Variants in ALDH9A1 observed in about 807,000 individuals in gnomAD.
The protein encoded by ALDH9A1 is aldehyde dehydrogenase 9 family member A1, also known as 4-trimethylaminobutyraldehyde dehydrogenase.
A neutral mutation model predicts 56.6 loss-of-function variants in ALDH9A1; 42 were observed. The observed-to-expected ratio is 0.74, with a 90% CI of 0.58 to 0.96. ALDH9A1 has a LOEUF of 0.96. ALDH9A1 is among the 40% of genes least tolerant of loss of function. ALDH9A1 has a pLI of 0.00. For missense variants in ALDH9A1, 661 were observed against 651.5 expected (o/e 1.01, Z -0.16); for synonymous variants, 242 against 236.0 (o/e 1.03, Z -0.23).
At chr1:165,688,233 T>C (rs370537147) in intron 2 of ALDH9A1, among the ~76,000 whole-genome samples, 104 of 152,208 alleles carry the variant, frequency 6.8e-4, no homozygotes, top group African/African-American at 2.4e-3. Flanking sequence ...GGGAGGATCG[T>C]TTGAGCCCAG....
intron 1 of ALDH9A1, chr1:165,698,177 T>C (rs1650156348): frequency 7.5e-7 from 1 of 1,335,474 alleles, no homozygotes. Flanking sequence ...TCAGCTTTGC[T>C]TTTCCTCCCT....
intron 8 of ALDH9A1, among the ~76,000 whole-genome samples, chr1:165,668,392 GCT>G (rs1328082045): frequency 1.3e-5 from 2 of 152,092 alleles, no homozygotes; most frequent in Non-Finnish European, 2.9e-5. Context: ...TGCCTCTCTT[GCT>G]CTCTCTTTCA....
intron 2 of ALDH9A1, among the ~76,000 whole-genome samples, chr1:165,684,343 T>A (rs1649644844): frequency 6.6e-6 from 1 of 152,238 alleles, no homozygotes; most frequent in South Asian, 2.1e-4. Context: ...TCAGAAAGGA[T>A]AATCTGTTCA....
intron 1 of ALDH9A1, among the ~76,000 whole-genome samples, chr1:165,698,049 A>G (rs1182344468): frequency 6.6e-6 from 1 of 152,082 alleles, no homozygotes; most frequent in African/African-American, 2.4e-5. Flanking sequence ...CAAAAAACAA[A>G]CAAACAAACA....
chr1:165,685,843 G>A (rs952849326), intron 2 of ALDH9A1, among the ~76,000 whole-genome samples: 1 of 152,148 alleles, frequency 6.6e-6, no homozygotes, highest in African/African-American at 2.4e-5. Context: ...GGCCAGGGCT[G>A]GAGGCAAGAA....
intron 6 of ALDH9A1, among the ~76,000 whole-genome samples, chr1:165,678,217 C>G (rs894827279): frequency 1.3e-5 from 2 of 150,864 alleles, no homozygotes. Context: ...ACCTGTAATC[C>G]CAGCTACTCA....
intron 2 of ALDH9A1, among the ~76,000 whole-genome samples, chr1:165,687,481 T>C (rs1259523405): frequency 6.6e-6 from 1 of 150,860 alleles, no homozygotes; most frequent in African/African-American, 2.4e-5. Flanking sequence ...GGGTGGGGGG[T>C]AGAGGGAGTA....
At chr1:165,697,380 ATAAT>A (rs1171089990) in intron 1 of ALDH9A1, among the ~76,000 whole-genome samples, 2 of 152,258 alleles carry the variant, frequency 1.3e-5, no homozygotes, top group African/African-American at 2.4e-5. Context: ...GAAGCAATGG[ATAAT>A]TAGATTGACC....
chr1:165,694,039 G>GA (rs762423662), intron 2 of ALDH9A1, among the ~76,000 whole-genome samples: 13 of 144,532 alleles, frequency 9.0e-5, no homozygotes, highest in Non-Finnish European at 1.8e-4. Flanking sequence ...CACAGGGTGG[G>GA]GAACATCACA....
intron 10 of ALDH9A1, among the ~76,000 whole-genome samples, chr1:165,664,058 T>C (rs577937872): frequency 1.3e-5 from 2 of 152,328 alleles, no homozygotes; most frequent in Non-Finnish European, 2.9e-5. Flanking sequence ...TGTAATGTTA[T>C]ATGTTACATG....
At position 165,695,400 on chromosome 1, in the gene ALDH9A1, A is replaced by G. The variant is rs1650041931; in HGVS notation, c.182-3T>C. 4 of 1,596,452 alleles carry G rather than the reference A, an allele frequency of 2.5e-6. No homozygotes were observed. The highest frequency in any genetic ancestry group is 2.3e-5 in the East Asian group (1 of 43,956). ...TGTGAAAGTAGCTATCACTCGGCCTATAAAGAGCGGAAACATCAGTTTTAA... is the reference window on the plus strand; with the variant it reads ...TGTGAAAGTAGCTATCACTCGGCCTGTAAAGAGCGGAAACATCAGTTTTAA... On this transcript the variant is annotated splice_polypyrimidine_tract_variant and splice_region_variant and intron_variant, in intron 1 of 10. Coordinates refer to ENST00000354775, the MANE Select transcript of ALDH9A1 (RefSeq NM_000696.4).
At position 165,679,574 on chromosome 1, in the gene ALDH9A1, C is replaced by A; in HGVS notation, c.798G>T (p.Glu266Asp). 1 of 1,614,156 alleles carries A rather than the reference C, an allele frequency of 6.2e-7. No individual in the cohort carries two copies. The highest frequency in any genetic ancestry group is 8.5e-7 in the Non-Finnish European group (1 of 1,180,008). The change falls in exon 6 of 11, where the codon GAG becomes GAT. Residue 266 changes from glutamate (E) to aspartate (D), a missense_variant. Coordinates refer to ENST00000354775, the MANE Select transcript of ALDH9A1 (RefSeq NM_000696.4). The stretch of plus-strand genomic sequence containing the variant: ...CAGGTTTGATTCCTTTAGCTGACAT[C>A]TCCATGATCTTGCAGAACAAGGACA... The part of the protein sequence containing the change: ...GSVPTGMKIM[E>D]MSAKGIKPVT...
At chr1:165,671,928 T>A (rs982244512) in intron 6 of ALDH9A1, among the ~76,000 whole-genome samples, 6 of 152,158 alleles carry the variant, frequency 3.9e-5, no homozygotes, top group Non-Finnish European at 8.8e-5. Flanking sequence ...ATGACTATTA[T>A]CAAAAACAGA....
intron 10 of ALDH9A1, 43 bp from the exon 11 acceptor site, chr1:165,663,187 A>G (rs1208426440): frequency 6.8e-7 from 1 of 1,477,462 alleles, no homozygotes; most frequent in South Asian, 1.1e-5. Context: ...TCACTACAAT[A>G]GTCTGAAAAG....
In ALDH9A1 at chr1:165,662,827, T is replaced by G. The variant is rs1558000010; in HGVS notation, c.*223A>C. 2 of 527,816 alleles carry G rather than the reference T, an allele frequency of 3.8e-6. No homozygotes were observed. The highest frequency in any genetic ancestry group is 6.8e-6 in the Non-Finnish European group (2 of 293,666). The allele number at this position is 527,816 out of a possible 1,614,324, so 32.7% of individuals were successfully genotyped here. A position where few individuals can be genotyped will look rare whatever the true frequency, so the allele number is the denominator to read the frequency against. ...TTAAAAGATTTCACAAAAATACGCTTTGAGGAGAATCACAGCTTTCTTGAT... is the reference window on the plus strand; with the variant it reads ...TTAAAAGATTTCACAAAAATACGCTGTGAGGAGAATCACAGCTTTCTTGAT... On this transcript the variant is annotated 3_prime_UTR_variant, in exon 11 of 11. Coordinates refer to ENST00000354775, the MANE Select transcript of ALDH9A1 (RefSeq NM_000696.4).
At chr1:165,689,273 C>T (rs991339424) in intron 2 of ALDH9A1, among the ~76,000 whole-genome samples, 10 of 152,196 alleles carry the variant, frequency 6.6e-5, no homozygotes, top group Admixed American at 4.6e-4. Context: ...AGGACACTGA[C>T]GAGTTGATTG....
Position 165,695,377 on chromosome 1 carries a change from T to A in ALDH9A1, c.202A>T (p.Thr68Ser), listed in dbSNP as rs142640961. 700 of 1,611,014 alleles carry A rather than the reference T, an allele frequency of 4.3e-4. 6 individuals carry two copies. The South Asian group carries it at 7.2e-3, about 17-fold the overall frequency. ...PATGRVIATF[T>S]CSGEKEVNLA... is the part of the protein sequence containing the mutation. ...TTTACTTCCTTTTCTCCTGAACATGTGAAAGTAGCTATCACTCGGCCTATA... is the reference window on the plus strand; with the variant it reads ...TTTACTTCCTTTTCTCCTGAACATGAGAAAGTAGCTATCACTCGGCCTATA... The change falls in exon 2 of 11, where the codon ACA becomes TCA. Residue 68 changes from threonine to serine, a missense_variant. Thr to Ser is a moderately conservative substitution (Grantham distance 58). Coordinates refer to ENST00000354775, the MANE Select transcript of ALDH9A1 (RefSeq NM_000696.4).
Position 165,662,992 on chromosome 1 carries a change from AG to A in ALDH9A1, c.*57del, listed in dbSNP as rs1648890815. ...ATTCAGTTGTACTGCCTCTGTAAACAGGGCCAATTCACATCATTCCACAGCG... is the reference window on the plus strand; with the variant it reads ...ATTCAGTTGTACTGCCTCTGTAAACAGGCCAATTCACATCATTCCACAGCG... On this transcript the variant is annotated 3_prime_UTR_variant, in exon 11 of 11. Coordinates refer to ENST00000354775, the MANE Select transcript of ALDH9A1 (RefSeq NM_000696.4). The A allele has an allele frequency of 1.4e-6, 2 of 1,461,480 alleles. No homozygotes were observed. The highest frequency in any genetic ancestry group is 1.9e-6 in the Non-Finnish European group (2 of 1,041,110). The allele number at this position is 1,461,480 out of a possible 1,614,324, so 90.5% of individuals were successfully genotyped here. A position where few individuals can be genotyped will look rare whatever the true frequency, so the allele number is the denominator to read the frequency against.
intron 10 of ALDH9A1, among the ~76,000 whole-genome samples, chr1:165,664,660 GA>G (rs1318845955): frequency 1.3e-5 from 2 of 152,246 alleles, no homozygotes; most frequent in Admixed American, 6.5e-5. Flanking sequence ...AGTGGATGAT[GA>G]TGGACATCCC....
Sources: gnomAD v4.1 joint callset for allele counts (sites outside exome capture counted in the v4.1 genomes callset) on GRCh38, gnomAD v4.1.1 for gene constraint, MANE v1.5 for transcripts, NCBI Gene and HGNC (gene_info 2026-07-23, HGNC 2026-07-21) for gene names.